Variants in NLGN4X observed in about 807,000 individuals in gnomAD.
The protein encoded by NLGN4X is neuroligin-4, X-linked.
Under a neutral mutation model 40.3 loss-of-function variants are expected in NLGN4X, and 3 were observed. That is an observed-to-expected ratio of 0.07 (90% CI 0.03 to 0.19). The LOEUF (loss-of-function observed/expected upper bound fraction) is 0.19. NLGN4X is among the 10% of genes least tolerant of loss of function. The pLI is 1.00. For missense variants in NLGN4X, 382 were observed against 708.3 expected (o/e 0.54, Z 5.23); for synonymous variants, 270 against 306.8 (o/e 0.88, Z 1.25).
intron 3 of NLGN4X, among the ~76,000 whole-genome samples, chrX:6,011,173 A>G (rs967226276): frequency 9.0e-5 from 10 of 110,575 alleles, no homozygotes; most frequent in Non-Finnish European, 1.7e-4. Flanking sequence ...CCTAAATATG[A>G]TAATAAAAAA....
At chrX:6,046,786 T>C in intron 2 of NLGN4X, among the ~76,000 whole-genome samples, 1 of 109,139 alleles carries the variant, frequency 9.2e-6, no homozygotes, top group Non-Finnish European at 1.9e-5. Context: ...GTTATATATA[T>C]ACTATATATA....
chrX:6,090,202 A>G (rs1401048836), intron 2 of NLGN4X, among the ~76,000 whole-genome samples: 1 of 111,322 alleles, frequency 9.0e-6, no homozygotes, highest in Non-Finnish European at 1.9e-5. Context: ...CTAAATTTTG[A>G]GTGTTTAACC....
At chrX:5,991,956 T>A (rs2035696324) in intron 3 of NLGN4X, among the ~76,000 whole-genome samples, 1 of 112,173 alleles carries the variant, frequency 8.9e-6, no homozygotes, top group Non-Finnish European at 1.9e-5. Flanking sequence ...TGCCTCCTGA[T>A]AGAAGGAGTT....
chrX:5,944,178 C>A (rs944154797), intron 3 of NLGN4X, among the ~76,000 whole-genome samples: 1 of 111,752 alleles, frequency 8.9e-6, no homozygotes, highest in African/African-American at 3.3e-5. Context: ...TTCTAAAATT[C>A]TTGAAACAGT....
chrX:6,150,047 ACT>A (rs779219124), intron 2 of NLGN4X, among the ~76,000 whole-genome samples: 1 of 111,025 alleles, frequency 9.0e-6, no homozygotes, highest in East Asian at 2.8e-4. Flanking sequence ...CAAAGGACAC[ACT>A]CTAGTTTCTA....
At chrX:5,996,620 A>G (rs2035826669) in intron 3 of NLGN4X, among the ~76,000 whole-genome samples, 1 of 99,328 alleles carries the variant, frequency 1.0e-5, no homozygotes. Context: ...TTTTTTTGAG[A>G]CAGAGTCTTG....
chrX:6,136,342 A>T (rs2039818699), intron 2 of NLGN4X, among the ~76,000 whole-genome samples: 1 of 112,777 alleles, frequency 8.9e-6, no homozygotes, highest in Admixed American at 9.4e-5. Context: ...TCTGCATATC[A>T]GGAATCCAGG....
chrX:5,998,114 A>G (rs2035880992), intron 3 of NLGN4X, among the ~76,000 whole-genome samples: 1 of 111,386 alleles, frequency 9.0e-6, no homozygotes, highest in Non-Finnish European at 1.9e-5. Context: ...ATGAAATGTA[A>G]TTGTGCATCT....
chrX:6,067,079 A>G (rs12010000), intron 2 of NLGN4X, among the ~76,000 whole-genome samples: 44,276 of 108,822 alleles, frequency 0.41, 7,042 homozygotes, highest in Admixed American at 0.47. Flanking sequence ...ACTGCACATC[A>G]GCCTGGGCAA....
rs765388020 is a variant in NLGN4X, at chrX:6,108,224, C to T, written c.472+42771G>A. ...CAGGTGTGTAGCCAAATGCCCAACACTAATGTTGATGTCAGCTTCAAGTCA... is the reference window on the plus strand; with the variant it reads ...CAGGTGTGTAGCCAAATGCCCAACATTAATGTTGATGTCAGCTTCAAGTCA... On this transcript the variant is annotated intron_variant, in intron 2 of 5. Transcript: ENST00000381095. 3.3e-3 allele frequency among the ~76,000 whole-genome samples: 375 copies of T among 112,257 alleles called. 3 individuals are homozygous for T. The highest frequency in any genetic ancestry group is 0.014 in the Middle Eastern group (3 of 217).
chrX:5,919,833 A>G (rs1402166831), intron 3 of NLGN4X, among the ~76,000 whole-genome samples: 1 of 111,888 alleles, frequency 8.9e-6, no homozygotes, highest in African/African-American at 3.3e-5. Context: ...GCTGCTCTGC[A>G]GGTTGCCTGA....
intron 2 of NLGN4X, among the ~76,000 whole-genome samples, chrX:6,090,582 T>C (rs940490847): frequency 8.9e-6 from 1 of 111,831 alleles, no homozygotes; most frequent in Non-Finnish European, 1.9e-5. Flanking sequence ...AACAGTAAGA[T>C]TTTAAGACTC....
intron 2 of NLGN4X, among the ~76,000 whole-genome samples, chrX:6,094,827 G>A (rs1332831415): frequency 1.8e-5 from 2 of 111,133 alleles, no homozygotes; most frequent in African/African-American, 3.3e-5. Context: ...AAAAGTCATC[G>A]GTTGTCTGTT....
chrX:6,025,325 A>G (rs985256205), intron 3 of NLGN4X, among the ~76,000 whole-genome samples: 7 of 111,751 alleles, frequency 6.3e-5, no homozygotes, highest in African/African-American at 2.3e-4. Context: ...ATTATTTTTT[A>G]AAAAATAGCA....
intron 3 of NLGN4X, among the ~76,000 whole-genome samples, chrX:5,940,269 T>C (rs752520492): frequency 2.5e-4 from 27 of 107,349 alleles, no homozygotes; most frequent in Admixed American, 1.8e-3. Flanking sequence ...ATACTATCCC[T>C]TAAACCACTG....
chrX:6,166,972 T>C (rs1172527903), intron 1 of NLGN4X, among the ~76,000 whole-genome samples: 2 of 104,477 alleles, frequency 1.9e-5, no homozygotes, highest in African/African-American at 3.6e-5. Context: ...CTCAAGAGGC[T>C]GAGGTGGGAG....
At chrX:6,103,764 C>G (rs2038973735) in intron 2 of NLGN4X, among the ~76,000 whole-genome samples, 1 of 111,712 alleles carries the variant, frequency 9.0e-6, no homozygotes, top group African/African-American at 3.3e-5. Context: ...CTTAATACAT[C>G]AGTATTTTAT....
chrX:5,970,174 T>C (rs867133931), intron 3 of NLGN4X, among the ~76,000 whole-genome samples: 1 of 96,887 alleles, frequency 1.0e-5, no homozygotes, highest in Admixed American at 1.1e-4. Context: ...AAAAGTATAA[T>C]AAAAAATAAA....
chrX:5,902,883 G>C (rs745782354), intron 5 of NLGN4X, among the ~76,000 whole-genome samples, 194 bp downstream of exon 5: 1 of 112,313 alleles, frequency 8.9e-6, no homozygotes, highest in Non-Finnish European at 1.9e-5. Context: ...AAAATGAGTT[G>C]CCATAGATGT....
Sources: allele counts gnomAD v4.1 joint callset (sites outside exome capture counted in the v4.1 genomes callset), GRCh38; gene constraint gnomAD v4.1.1; transcripts MANE v1.5; gene names NCBI Gene and HGNC (gene_info 2026-07-23, HGNC 2026-07-21).